The following ZNF626 variants were observed in gnomAD, a reference collection of about 807,000 sequenced individuals.
The protein encoded by ZNF626 is CTC-513N18.7.
In ZNF626, 4 loss-of-function variants were observed where a neutral mutation model predicts 11.7. The ratio of observed to expected loss-of-function variants is 0.34; its 90% confidence interval spans 0.17 to 0.78. The LOEUF (loss-of-function observed/expected upper bound fraction) is 0.78, where lower values mean the gene tolerates loss of function less well. Ranked by LOEUF, ZNF626 falls within the 30% of genes least tolerant of loss-of-function variation. The pLI, the probability that ZNF626 is intolerant of heterozygous loss-of-function variation, is 0.57. For missense variants in ZNF626, 588 were observed against 587.1 expected (o/e 1.00, Z -0.01); for synonymous variants, 179 against 198.6 (o/e 0.90, Z 0.83).
intron 1 of ZNF626, among the ~76,000 whole-genome samples, chr19:20,647,817 A>G (rs567832926): frequency 1.3e-5 from 2 of 152,198 alleles, no homozygotes; most frequent in South Asian, 4.1e-4. Flanking sequence ...GCTAATGCAC[A>G]CAGAAGAACA....
At chr19:20,653,663 AAAAGAAAAAG>A (rs1568462082) in intron 1 of ZNF626, among the ~76,000 whole-genome samples, 2 of 35,746 alleles carry the variant, frequency 5.6e-5, no homozygotes, top group African/African-American at 2.6e-3. Flanking sequence ...GAAAAAGAAA[AAAAGAAAAAG>A]AAAGGAAAAG....
At chr19:20,632,647 T>C (rs1210996673) in intron 3 of ZNF626, among the ~76,000 whole-genome samples, 1 of 152,226 alleles carries the variant, frequency 6.6e-6, no homozygotes, top group Non-Finnish European at 1.5e-5. Flanking sequence ...ATCAGGTCCT[T>C]TAAGAACTTC....
In ZNF626 at chr19:20,629,765, T is replaced by C. The variant is rs1969881936; in HGVS notation, c.227-4115A>G. On this transcript the variant is annotated intron_variant, in intron 3 of 3. Transcript: ENST00000601440. ...TTCCTCTTTTCCTAATTGAATACACTTTATTTCCTTCTCCTGCCTGATTGC... is the reference window on the plus strand; with the variant it reads ...TTCCTCTTTTCCTAATTGAATACACCTTATTTCCTTCTCCTGCCTGATTGC... 2.0e-5 allele frequency among the ~76,000 whole-genome samples: 3 copies of C among 152,172 alleles called. No homozygotes were observed. In the South Asian group the frequency reaches 6.2e-4, roughly 31 times the overall value.
At position 20,649,384 on chromosome 19, in the gene ZNF626, G is replaced by A. The variant is rs543771608; in HGVS notation, c.4-2979C>T. Among the ~76,000 whole-genome samples the A allele has an allele frequency of 2.6e-5, 4 of 152,120 alleles. No individual in the cohort carries two copies. The South Asian group carries it at 8.3e-4, about 32-fold the overall frequency. Reference sequence around the variant, plus strand: ...TCCTCAGATGCTCTCCCCTGCCACGGACACCAGCCATTTCTGCTACAGTAA... The same window carrying A: ...TCCTCAGATGCTCTCCCCTGCCACGAACACCAGCCATTTCTGCTACAGTAA... On this transcript the variant is annotated intron_variant, in intron 1 of 3. Coordinates refer to ENST00000601440, the MANE Select transcript of ZNF626 (RefSeq NM_001076675.3).
intron 3 of ZNF626, 151 bp downstream of exon 3, chr19:20,645,533 C>T: frequency 1.3e-6 from 2 of 1,558,592 alleles, no homozygotes; most frequent in Admixed American, 2.2e-5. Flanking sequence ...AAAGAAAAAA[C>T]CAAACAAACA....
At position 20,622,794 on chromosome 19, in the gene ZNF626, A is replaced by C. The variant is rs1555768898; in HGVS notation, c.*1496T>G. 6.6e-6 allele frequency: 1 copy of C among 152,138 alleles called. No homozygotes were observed. Among genetic ancestry groups the C allele is most frequent in the East Asian group, 1.9e-4 (1 of 5,198 alleles). The allele number at this position is 152,138 out of a possible 1,614,324, so 9.4% of individuals were successfully genotyped here. A position where few individuals can be genotyped will look rare whatever the true frequency, so the allele number is the denominator to read the frequency against. ...GTGTCAGTGCCTTAGTTATTCTGTA[A>C]ATTCTGATATTTACATACAATTAAT... On this transcript the variant is annotated 3_prime_UTR_variant, in exon 4 of 4. Coordinates refer to ENST00000601440, the MANE Select transcript of ZNF626 (RefSeq NM_001076675.3).
At chr19:20,635,151 T>C (rs1487499205) in intron 3 of ZNF626, among the ~76,000 whole-genome samples, 2 of 152,174 alleles carry the variant, frequency 1.3e-5, no homozygotes, top group Non-Finnish European at 2.9e-5. Context: ...ACAGAGATTA[T>C]ATGAGATATG....
intron 1 of ZNF626, among the ~76,000 whole-genome samples, chr19:20,660,436 C>CT (rs1431041124): frequency 6.7e-5 from 10 of 150,330 alleles, no homozygotes; most frequent in East Asian, 1.9e-4. Flanking sequence ...CTTTTTTTTT[C>CT]TTTTTTTTGA....
chr19:20,649,569 T>G (rs1375514125), intron 1 of ZNF626, among the ~76,000 whole-genome samples: 1 of 152,176 alleles, frequency 6.6e-6, no homozygotes, highest in East Asian at 1.9e-4. Context: ...AGGGACTCCA[T>G]GGATGCTTCC....
intron 3 of ZNF626, among the ~76,000 whole-genome samples, chr19:20,644,470 C>T (rs200186854): frequency 6.6e-6 from 1 of 152,298 alleles, no homozygotes; most frequent in East Asian, 1.9e-4. Flanking sequence ...CAAGCTACAA[C>T]CCCTCTTCAC....
At chr19:20,652,929 T>C (rs569668346) in intron 1 of ZNF626, among the ~76,000 whole-genome samples, 63 of 152,284 alleles carry the variant, frequency 4.1e-4, no homozygotes, top group African/African-American at 1.5e-3. Context: ...GTTGGCCCCA[T>C]GGTCTCTGAA....
chr19:20,632,720 G>A (rs1969920321), intron 3 of ZNF626, among the ~76,000 whole-genome samples: 1 of 151,836 alleles, frequency 6.6e-6, no homozygotes, highest in South Asian at 2.1e-4. Flanking sequence ...TAACTTCTTT[G>A]CCATTAGTTC....
intron 1 of ZNF626, among the ~76,000 whole-genome samples, chr19:20,659,974 A>G (rs1224569381): frequency 6.6e-6 from 1 of 151,962 alleles, no homozygotes; most frequent in African/African-American, 2.4e-5. Context: ...AGGGCCTTTA[A>G]TAACCTCCTG....
chr19:20,645,159 A>G, intron 3 of ZNF626: 1 of 935,682 alleles, frequency 1.1e-6, no homozygotes, highest in Non-Finnish European at 1.4e-6. Flanking sequence ...CATGAGGAAA[A>G]TAACAAAGAG....
At chr19:20,630,512 ATGT>A (rs1442494461) in intron 3 of ZNF626, among the ~76,000 whole-genome samples, 3 of 151,800 alleles carry the variant, frequency 2.0e-5, no homozygotes, top group African/African-American at 7.3e-5. Context: ...TCTTGGGAGG[ATGT>A]ATGTGTCGAG....
chr19:20,643,208 T>C lies in ZNF626; in HGVS notation c.226+2476A>G, dbSNP rs547040655. ...TAAAAGAAACTGGAGTTTCTTTTTA[T>C]GTTTTAAATATATGCTATTCTTACA... On this transcript the variant is annotated intron_variant, in intron 3 of 3. Coordinates refer to ENST00000601440, the MANE Select transcript of ZNF626 (RefSeq NM_001076675.3). 2.5e-4 allele frequency among the ~76,000 whole-genome samples: 38 copies of C among 152,266 alleles called. No homozygotes were observed. The East Asian group carries it at 6.8e-3, about 27-fold the overall frequency.
rs577740764 is a variant in ZNF626 at position 20,639,006 on chromosome 19, A to G, written c.226+6678T>C. 5.3e-5 allele frequency among the ~76,000 whole-genome samples: 8 copies of G among 152,356 alleles called. No individual in the cohort carries two copies. The South Asian group carries it at 1.2e-3, about 24-fold the overall frequency. On this transcript the variant is annotated intron_variant, in intron 3 of 3. Coordinates refer to ENST00000601440, the MANE Select transcript of ZNF626 (RefSeq NM_001076675.3). ...TTTGGCTCACAGTTTGGCAGACTGT[A>G]TAAGAAGTGTGTGTCAACAACTGCT...
chr19:20,655,584 C>G lies in ZNF626; in HGVS notation c.3+5860G>C, dbSNP rs188921325. On this transcript the variant is annotated intron_variant, in intron 1 of 3. Coordinates refer to ENST00000601440, the MANE Select transcript of ZNF626 (RefSeq NM_001076675.3). Reference sequence around the variant, plus strand: ...TGACATGATTTACATATATTTCAAACAAGCAGAGAAAAATATCTACATATA... The same window carrying G: ...TGACATGATTTACATATATTTCAAAGAAGCAGAGAAAAATATCTACATATA... Among the ~76,000 whole-genome samples the G allele has an allele frequency of 6.4e-3, 967 of 152,122 alleles. 6 individuals carry two copies. The highest frequency in any genetic ancestry group is 9.7e-3 in the Non-Finnish European group (660 of 68,002).
At chr19:20,628,698 G>A (rs192719132) in intron 3 of ZNF626, among the ~76,000 whole-genome samples, 3 of 152,270 alleles carry the variant, frequency 2.0e-5, no homozygotes, top group Non-Finnish European at 4.4e-5. Flanking sequence ...TGTCAGATGA[G>A]CAGGTTGCAA....
Sources: gnomAD v4.1 joint callset for allele counts (sites outside exome capture counted in the v4.1 genomes callset) on GRCh38, gnomAD v4.1.1 for gene constraint, MANE v1.5 for transcripts, NCBI Gene and HGNC (gene_info 2026-07-23, HGNC 2026-07-21) for gene names.